The following VIRMA variants were observed in gnomAD, a reference collection of about 807,000 sequenced individuals.
VIRMA encodes protein virilizer homolog.
Under a neutral mutation model 182.4 loss-of-function variants are expected in VIRMA, and 65 were observed. That is an observed-to-expected ratio of 0.36 (90% CI 0.29 to 0.44). The LOEUF (loss-of-function observed/expected upper bound fraction) is 0.44. Ranked by LOEUF, VIRMA falls within the 20% of genes least tolerant of loss-of-function variation. The probability of loss-of-function intolerance (pLI) is 1.00; values close to 1 mark genes in which losing one functional copy is unlikely to be tolerated. For synonymous variants in VIRMA, 709 were observed against 743.1 expected (o/e 0.95, Z 0.75); for missense variants, 1,752 against 2,158.1 (o/e 0.81, Z 3.73).
chr8:94,547,461 C>T (rs763482356), intron 1 of VIRMA, among the ~76,000 whole-genome samples: 1 of 150,974 alleles, frequency 6.6e-6, no homozygotes, highest in East Asian at 1.9e-4. Flanking sequence ...ATTCTTCTAT[C>T]CCTGCAATTA....
intron 11 of VIRMA, among the ~76,000 whole-genome samples, chr8:94,514,308 C>T (rs561940450): frequency 6.6e-5 from 10 of 152,276 alleles, no homozygotes; most frequent in African/African-American, 2.4e-4. Flanking sequence ...ATAAACACTG[C>T]TGTAATTTTT....
At chr8:94,518,351 T>A (rs1586086837) in intron 9 of VIRMA, among the ~76,000 whole-genome samples, 1 of 152,214 alleles carries the variant, frequency 6.6e-6, no homozygotes, top group East Asian at 1.9e-4. Context: ...TATAAACCTG[T>A]TAAGATACAG....
chr8:94,500,307 G>A (rs1170058830), intron 16 of VIRMA, among the ~76,000 whole-genome samples: 5 of 152,192 alleles, frequency 3.3e-5, no homozygotes, highest in East Asian at 1.9e-4. Flanking sequence ...GCTGAGGCAG[G>A]AGAATCACTT....
At chr8:94,496,301 A>G (rs2130265759) in intron 18 of VIRMA, 27 bp downstream of exon 18, 1 of 1,596,994 alleles carries the variant, frequency 6.3e-7, no homozygotes, top group Non-Finnish European at 8.5e-7. Context: ...ATAGGCCTTA[A>G]GAACGCTCTG....
intron 4 of VIRMA, among the ~76,000 whole-genome samples, chr8:94,535,222 C>A (rs1251710869): frequency 6.6e-6 from 1 of 152,160 alleles, no homozygotes; most frequent in African/African-American, 2.4e-5. Context: ...AAGATTACAT[C>A]TCCCAGTCCT....
chr8:94,521,784 AC>A (rs1332802642), intron 8 of VIRMA, among the ~76,000 whole-genome samples: 1 of 152,130 alleles, frequency 6.6e-6, no homozygotes, highest in Non-Finnish European at 1.5e-5. Flanking sequence ...ATAAACACCC[AC>A]CAGTAACTGC....
intron 7 of VIRMA, among the ~76,000 whole-genome samples, chr8:94,527,772 T>C (rs1002824093): frequency 6.6e-6 from 1 of 152,174 alleles, no homozygotes; most frequent in Admixed American, 6.5e-5. Context: ...AAACTGGTTG[T>C]TTTAAGTTAA....
chr8:94,512,714 C>A (rs1814421151), intron 11 of VIRMA, among the ~76,000 whole-genome samples: 2 of 152,108 alleles, frequency 1.3e-5, no homozygotes, highest in Admixed American at 1.3e-4. Flanking sequence ...GAGGTCAAGA[C>A]TAGAGTAAAC....
At position 94,518,883 on chromosome 8, in the gene VIRMA, G is replaced by GT. The variant is rs972499947; in HGVS notation, c.2513+101dup. ...AGTTTTGTGTTATATCAAAACTATAGTTTTTCCCTCTCAAAATAACACCTT... is the reference window on the plus strand; with the variant it reads ...AGTTTTGTGTTATATCAAAACTATAGTTTTTTCCCTCTCAAAATAACACCTT... On this transcript the variant is annotated intron_variant, in intron 9 of 23. Coordinates refer to ENST00000297591, the MANE Select transcript of VIRMA (RefSeq NM_015496.5). 3.6e-5 allele frequency: 39 copies of GT among 1,087,304 alleles called. No individual in the cohort carries two copies. In the African/African-American group the frequency reaches 5.7e-4, roughly 16 times the overall value. The allele number at this position is 1,087,304 out of a possible 1,614,324, so 67.4% of individuals were successfully genotyped here.
chr8:94,534,777 AT>A (rs59429647), intron 5 of VIRMA, 61 bp downstream of exon 5: 196,968 of 1,232,706 alleles, frequency 0.16, 4,923 homozygotes, highest in African/African-American at 0.27. Context: ...TCTTCGAATT[AT>A]TTTTTTTTTT....
At chr8:94,542,584 A>G (rs74649867) in intron 2 of VIRMA, among the ~76,000 whole-genome samples, 13,765 of 152,294 alleles carry the variant, frequency 0.09, 868 homozygotes, top group South Asian at 0.21. Context: ...AAGCAGTACA[A>G]TTAGAGAAGA....
In VIRMA at chr8:94,508,556, C is replaced by T. The variant is rs77938572; in HGVS notation, c.3879+1132G>A. Among the ~76,000 whole-genome samples, 1,002 of 152,172 alleles carry T rather than the reference C, an allele frequency of 6.6e-3. 7 individuals carry two copies. Among genetic ancestry groups the T allele is most frequent in the African/African-American group, 0.023 (946 of 41,522 alleles). On this transcript the variant is annotated intron_variant, in intron 15 of 23. Coordinates refer to ENST00000297591, the MANE Select transcript of VIRMA (RefSeq NM_015496.5). ...AATGAGATTCGTGTGACCAAGGCAG[C>T]TAGGATGCCACAGCGCTATTCAATG...
intron 7 of VIRMA, 131 bp downstream of exon 7, chr8:94,528,939 C>G: frequency 2.7e-6 from 3 of 1,107,526 alleles, no homozygotes; most frequent in Non-Finnish European, 3.9e-6. Context: ...TGCCTTGAGG[C>G]CTAGCTACAT....
chr8:94,490,893 A>C (rs570050377), intron 22 of VIRMA, among the ~76,000 whole-genome samples: 2 of 152,184 alleles, frequency 1.3e-5, no homozygotes, highest in East Asian at 3.9e-4. Context: ...TAAATATAAC[A>C]TTAGAAAACA....
At position 94,534,826 on chromosome 8, in the gene VIRMA, T is replaced by C; in HGVS notation, c.484+13A>G. ...ATAAGTTTCACTTGCAAAAGCAAAT[T>C]TAAAATTCTCACCATGTTTTGGATT... On this transcript the variant is annotated intron_variant, in intron 5 of 23. Coordinates refer to ENST00000297591, the MANE Select transcript of VIRMA (RefSeq NM_015496.5). 4 of 1,610,122 alleles carry C rather than the reference T, an allele frequency of 2.5e-6. No homozygotes were observed. The highest frequency in any genetic ancestry group is 2.2e-5 in the East Asian group (1 of 44,866).
In VIRMA at chr8:94,502,607, T is replaced by A. The variant is rs577853608; in HGVS notation, c.4098-3101A>T. On this transcript the variant is annotated intron_variant, in intron 16 of 23. Coordinates refer to ENST00000297591, the MANE Select transcript of VIRMA (RefSeq NM_015496.5). ...ATGAGACACACCAAAATCAGTGACA[T>A]CCTAAGAGCAATAAACACACCCAGA... Among the ~76,000 whole-genome samples the A allele has an allele frequency of 2.0e-5, 3 of 152,186 alleles. No homozygotes were observed. In the South Asian group the frequency reaches 6.2e-4, roughly 32 times the overall value.
At chr8:94,541,042 CACAT>C (rs1046986780) in intron 2 of VIRMA, among the ~76,000 whole-genome samples, 15 of 151,558 alleles carry the variant, frequency 9.9e-5, no homozygotes, top group Admixed American at 8.6e-4. Flanking sequence ...AACACACACA[CACAT>C]ACAAACACAC....
Position 94,511,636 on chromosome 8 carries a change from T to G in VIRMA, c.2939A>C (p.Asn980Thr), listed in dbSNP as rs1270395628. The G allele has an allele frequency of 2.5e-6, 4 of 1,614,138 alleles. No homozygotes were observed. The East Asian group carries it at 8.9e-5, about 36-fold the overall frequency. The change falls in exon 13 of 24, where the codon AAC (asparagine) becomes ACC (threonine). Residue 980 changes from asparagine (N) to threonine (T), a missense_variant. Asn to Thr is a moderately conservative substitution (Grantham distance 65). Around this residue, in one of 11 missense-constraint regions of VIRMA, gnomAD observed 777 missense variants for 920.6 expected, o/e 0.84. Coordinates refer to ENST00000297591, the MANE Select transcript of VIRMA (RefSeq NM_015496.5). Reference sequence around the variant, plus strand: ...CCTCCAAGGCTGAGTCAGAATACTGTTCAATTTTTGCAGAACTCGAATAAA... The same window carrying G: ...CCTCCAAGGCTGAGTCAGAATACTGGTCAATTTTTGCAGAACTCGAATAAA... ...DTFIRVLQKL[N>T]SILTQPWRLH...
At chr8:94,513,146 T>C (rs985628706) in intron 11 of VIRMA, among the ~76,000 whole-genome samples, 3 of 152,166 alleles carry the variant, frequency 2.0e-5, no homozygotes, top group Admixed American at 1.3e-4. Flanking sequence ...GAAAACAGCC[T>C]GGCCAACATT....
Sources: gnomAD v4.1 joint callset for allele counts (sites outside exome capture counted in the v4.1 genomes callset) on GRCh38, gnomAD v4.1.1 for gene constraint, gnomAD v4.1.1 regional missense constraint, MANE v1.5 for transcripts, NCBI Gene and HGNC (gene_info 2026-07-23, HGNC 2026-07-21) for gene names.